The following GAB3 variants were observed in gnomAD, a reference collection of about 807,000 sequenced individuals.
GAB3 encodes the protein GRB2-associated-binding protein 3.
Under a neutral mutation model 40.4 loss-of-function variants are expected in GAB3, and 12 were observed. The ratio of observed to expected loss-of-function variants is 0.30; its 90% CI spans 0.19 to 0.48. GAB3 has a LOEUF of 0.48. Ranked by LOEUF, GAB3 falls within the 20% of genes least tolerant of loss-of-function variation. The pLI is 0.99. For synonymous variants in GAB3, 154 were observed against 176.7 expected (o/e 0.87, Z 1.02); for missense variants, 381 against 461.9 (o/e 0.82, Z 1.61).
chrX:154,749,283 C>CA lies in GAB3; in HGVS notation c.72+1670dup, dbSNP rs782460717. On this transcript the variant is annotated intron_variant, in intron 1 of 9. Transcript: ENST00000424127. ...TCCCTAAGCCAGTCTGCTTAAGATA[C>CA]AAAAAAAGACTGGGAAATAAAATAT... 9.8e-5 allele frequency among the ~76,000 whole-genome samples: 11 copies of CA among 112,609 alleles called. No homozygotes were observed. The East Asian group carries it at 2.2e-3, about 23-fold the overall frequency.
In GAB3 at chrX:154,678,033, G is replaced by A; in HGVS notation, c.*145C>T. 4.7e-6 allele frequency: 2 copies of A among 422,670 alleles called. No homozygotes were observed. Among genetic ancestry groups the A allele is most frequent in the Non-Finnish European group, 8.3e-6 (2 of 241,889 alleles). The allele number at this position is 422,670 out of a possible 1,213,427, so 34.8% of individuals were successfully genotyped here. ...CTTCTTTCCTAAAGGTTCTGGCCAA[G>A]ACCTTGAAAACTACACATTCTCTCT... On this transcript the variant is annotated 3_prime_UTR_variant, in exon 10 of 10. Transcript: ENST00000424127.
At chrX:154,712,165 G>A in intron 4 of GAB3, 64 bp downstream of exon 4, 1 of 843,364 alleles carries the variant, frequency 1.2e-6, no homozygotes, top group Non-Finnish European at 1.7e-6. Flanking sequence ...ACCTCACATG[G>A]GCACAAAGAG....
chrX:154,750,983 A>G lies in GAB3; in HGVS notation c.43T>C (p.Ser15Pro). The part of the protein sequence containing the change: ...DAVCTGWLVK[S>P]PPERKLQRYA... ...CGCTGTAGCTTCCTCTCGGGGGGCG[A>G]CTTAACGAGCCAGCCGGTGCACACT... Residue 15 changes from serine to proline, a missense_variant, in exon 1 of 10, where the codon TCG (serine) becomes CCG (proline). By Grantham distance (74) the Ser-to-Pro change is moderately conservative. Transcript: ENST00000424127. 1 of 796,587 alleles carries G rather than the reference A, an allele frequency of 1.3e-6. No individual in the cohort carries two copies. The highest frequency in any genetic ancestry group is 4.8e-5 in the South Asian group (1 of 20,826). The allele number at this position is 796,587 out of a possible 1,213,427, so 65.6% of individuals were successfully genotyped here. A position where few individuals can be genotyped will look rare whatever the true frequency, so the allele number is the denominator to read the frequency against.
chrX:154,699,885 G>T, intron 5 of GAB3, 119 bp downstream of exon 5: 1 of 608,270 alleles, frequency 1.6e-6, no homozygotes, highest in South Asian at 2.5e-5. Flanking sequence ...CTTCAGGGGA[G>T]ACTGGAAGAT....
intron 8 of GAB3, among the ~76,000 whole-genome samples, chrX:154,685,720 G>A (rs980504110): frequency 2.7e-5 from 3 of 111,506 alleles, no homozygotes; most frequent in Non-Finnish European, 5.7e-5. Context: ...GATAGACAGG[G>A]AAACCAACAG....
chrX:154,686,555 A>C (rs781906433), intron 8 of GAB3, among the ~76,000 whole-genome samples: 4 of 110,355 alleles, frequency 3.6e-5, no homozygotes, highest in African/African-American at 9.9e-5. Flanking sequence ...CAGCCTCCTG[A>C]TTAGCTGGGA....
rs782783800 is a variant in GAB3, at chrX:154,713,476, A to G, written c.377-50T>C. ...ATGTTTAAGAATGGCTATAACACGC[A>G]CTCAAAATTTCTCCAACAGCATCAA... On this transcript the variant is annotated intron_variant, in intron 2 of 9. Coordinates refer to ENST00000424127, the MANE Select transcript of GAB3 (RefSeq NM_001081573.3). 3 of 1,044,848 alleles carry G rather than the reference A, an allele frequency of 2.9e-6. No homozygotes were observed. In the African/African-American group the frequency reaches 5.6e-5, roughly 20 times the overall value. 86.1% of individuals were successfully genotyped at this position (1,044,848 alleles called of 1,213,427 possible). A position where few individuals can be genotyped will look rare whatever the true frequency, so the allele number is the denominator to read the frequency against.
intron 1 of GAB3, among the ~76,000 whole-genome samples, chrX:154,746,119 A>G (rs1029168003): frequency 3.6e-5 from 4 of 110,872 alleles, no homozygotes; most frequent in African/African-American, 1.3e-4. Flanking sequence ...AAAGAAAAGT[A>G]TAGGCCCAGA....
intron 1 of GAB3, among the ~76,000 whole-genome samples, chrX:154,741,323 G>A (rs1557261210): frequency 1.8e-5 from 2 of 111,458 alleles, no homozygotes; most frequent in African/African-American, 6.5e-5. Flanking sequence ...TAATATATGT[G>A]GTGTATTAGT....
At chrX:154,691,547 T>C (rs1375135219) in intron 8 of GAB3, among the ~76,000 whole-genome samples, 1 of 112,175 alleles carries the variant, frequency 8.9e-6, no homozygotes, top group Non-Finnish European at 1.9e-5. Context: ...AATGAAAAGA[T>C]ATCTGTGTTC....
intron 8 of GAB3, among the ~76,000 whole-genome samples, chrX:154,690,445 C>T (rs2070539236): frequency 8.9e-6 from 1 of 111,863 alleles, no homozygotes. Context: ...AGAGCTTCTG[C>T]ACAGCAAAAG....
chrX:154,731,597 C>T (rs1369332753), intron 1 of GAB3, among the ~76,000 whole-genome samples: 2 of 111,502 alleles, frequency 1.8e-5, no homozygotes, highest in Non-Finnish European at 3.8e-5. Flanking sequence ...GCATCTTTTC[C>T]CACAAGAAAA....
At chrX:154,710,538 CATGGGGACAGGACAG>C (rs2070925665) in intron 4 of GAB3, among the ~76,000 whole-genome samples, 1 of 111,750 alleles carries the variant, frequency 8.9e-6, no homozygotes, top group African/African-American at 3.3e-5. Context: ...GCTGGAGAGC[CATGGGGACAGGACAG>C]CCTTGCAGGG....
At position 154,712,479 on chromosome X, in the gene GAB3, A is replaced by G. The variant is rs1245007856; in HGVS notation, c.819T>C (p.Ser273=). ...TTAAGGAACTTTCCAGCAATGGTGA[A>G]GAAGACAAGTGGTCCCTGGGTGGCC... ...INGPPRDHLS[S]SPLLESSLSS... The change falls in exon 4 of 10, where the codon TCT becomes TCC. Residue 273 remains serine (S), a synonymous_variant. Coordinates refer to ENST00000424127, the MANE Select transcript of GAB3 (RefSeq NM_001081573.3). The G allele has an allele frequency of 4.1e-6, 5 of 1,209,036 alleles. No homozygotes were observed. The African/African-American group carries it at 8.8e-5, about 21-fold the overall frequency.
intron 1 of GAB3, among the ~76,000 whole-genome samples, chrX:154,739,941 C>T (rs979933838): frequency 6.2e-5 from 7 of 112,064 alleles, no homozygotes; most frequent in Admixed American, 2.8e-4. Flanking sequence ...TGTTCAACCT[C>T]ACTCACAAAG....
At chrX:154,680,044 TA>T in intron 9 of GAB3, 87 bp downstream of exon 9, 1 of 625,606 alleles carries the variant, frequency 1.6e-6, no homozygotes, top group Non-Finnish European at 2.6e-6. Flanking sequence ...TAACACTTTC[TA>T]AGGAGAATAT....
At chrX:154,681,294 C>T (rs2070370425) in intron 8 of GAB3, among the ~76,000 whole-genome samples, 1 of 111,876 alleles carries the variant, frequency 8.9e-6, no homozygotes, top group Non-Finnish European at 1.9e-5. Flanking sequence ...CTACCTGAGA[C>T]AGGTAAAATG....
intron 6 of GAB3, among the ~76,000 whole-genome samples, chrX:154,698,809 C>T (rs2070699231): frequency 8.9e-6 from 1 of 112,094 alleles, no homozygotes; most frequent in South Asian, 3.8e-4. Flanking sequence ...TCCCTGAATA[C>T]CTCTGCTGAC....
In GAB3 at chrX:154,697,005, G is replaced by C. The variant is rs1452596575; in HGVS notation, c.1427+127C>G. Reference sequence around the variant, plus strand: ...GATCCATAAAACAGCTCTTGCTCTCGATAATAAACCTCACCCCTCCTTTGG... The same window carrying C: ...GATCCATAAAACAGCTCTTGCTCTCCATAATAAACCTCACCCCTCCTTTGG... On this transcript the variant is annotated intron_variant, in intron 7 of 9. Coordinates refer to ENST00000424127, the MANE Select transcript of GAB3 (RefSeq NM_001081573.3). 6 of 505,997 alleles carry C rather than the reference G, an allele frequency of 1.2e-5. No homozygotes were observed. The African/African-American group carries it at 1.4e-4, about 12-fold the overall frequency. The allele number at this position is 505,997 out of a possible 1,213,427, so 41.7% of individuals were successfully genotyped here.
Sources: allele counts gnomAD v4.1 joint callset (sites outside exome capture counted in the v4.1 genomes callset), GRCh38; gene constraint gnomAD v4.1.1; transcripts MANE v1.5; gene names NCBI Gene and HGNC (gene_info 2026-07-23, HGNC 2026-07-21).